The following RBMS3 variants were observed in gnomAD, a reference collection of about 807,000 sequenced individuals.
The protein encoded by RBMS3 is RNA-binding motif, single-stranded-interacting protein 3.
Under a neutral mutation model 66.8 loss-of-function variants are expected in RBMS3, and 27 were observed. The ratio of observed to expected loss-of-function variants is 0.40; its 90% CI spans 0.30 to 0.56. RBMS3 has a LOEUF of 0.56. Ranked by LOEUF, RBMS3 falls within the 20% of genes least tolerant of loss-of-function variation. RBMS3 has a pLI of 0.40. For synonymous variants in RBMS3, 188 were observed against 183.0 expected, an observed-to-expected ratio of 1.03 and a Z score of -0.22; for missense variants, 513 against 549.5, an observed-to-expected ratio of 0.93 and a Z score of 0.66.
intron 1 of RBMS3, among the ~76,000 whole-genome samples, chr3:29,388,390 T>A (rs2039113121): frequency 6.6e-6 from 1 of 152,238 alleles, no homozygotes; most frequent in Non-Finnish European, 1.5e-5. Context: ...GTTGCATGAA[T>A]AACTCACTGA....
At chr3:29,909,433 G>A (rs528509389) in intron 10 of RBMS3, among the ~76,000 whole-genome samples, 1 of 152,042 alleles carries the variant, frequency 6.6e-6, no homozygotes, top group Non-Finnish European at 1.5e-5. Flanking sequence ...CAAAGTCTTT[G>A]TATATAAAGT....
At chr3:29,509,290 A>G (rs2044303654) in intron 3 of RBMS3, among the ~76,000 whole-genome samples, 1 of 152,176 alleles carries the variant, frequency 6.6e-6, no homozygotes. Flanking sequence ...TGCCACATGG[A>G]AAAATACTTT....
chr3:29,488,394 T>G (rs1459297160), intron 2 of RBMS3, 47 bp from the exon 3 acceptor site: 1 of 1,515,532 alleles, frequency 6.6e-7, no homozygotes, highest in East Asian at 2.3e-5. Flanking sequence ...TTAAGTGTCT[T>G]CAATGGGTTA....
chr3:29,768,489 G>C (rs2056032131), intron 6 of RBMS3, among the ~76,000 whole-genome samples: 1 of 151,932 alleles, frequency 6.6e-6, no homozygotes, highest in South Asian at 2.1e-4. Flanking sequence ...TAATTGAAAT[G>C]AGTTTTTTGA....
At chr3:29,749,476 T>A (rs886955625) in intron 5 of RBMS3, among the ~76,000 whole-genome samples, 104 of 152,302 alleles carry the variant, frequency 6.8e-4, no homozygotes, top group Non-Finnish European at 3.4e-4. Context: ...CTCCTTTAAG[T>A]TGGCTTTGCT....
In RBMS3 at chr3:29,344,458, A is replaced by T. The variant is rs200678718; in HGVS notation, c.75+62702A>T. Among the ~76,000 whole-genome samples, 4 of 152,308 alleles carry T rather than the reference A, an allele frequency of 2.6e-5. No homozygotes were observed. In the East Asian group the frequency reaches 5.8e-4, roughly 22 times the overall value. ...TTGAAATTGTCCTTGGTTCTGCTTCAGTTCAGCAGTTTTGAATCTTCTTTT... is the reference window on the plus strand; with the variant it reads ...TTGAAATTGTCCTTGGTTCTGCTTCTGTTCAGCAGTTTTGAATCTTCTTTT... On this transcript the variant is annotated intron_variant, in intron 1 of 14. Coordinates refer to ENST00000383767, the MANE Select transcript of RBMS3 (RefSeq NM_001003793.3).
At chr3:29,377,939 G>C (rs1276925635) in intron 1 of RBMS3, among the ~76,000 whole-genome samples, 1 of 152,120 alleles carries the variant, frequency 6.6e-6, no homozygotes, top group African/African-American at 2.4e-5. Context: ...CTTGCTACCT[G>C]TATTTTTAAT....
At chr3:29,850,003 T>C (rs1305228771) in intron 6 of RBMS3, among the ~76,000 whole-genome samples, 1 of 152,224 alleles carries the variant, frequency 6.6e-6, no homozygotes, top group Non-Finnish European at 1.5e-5. Context: ...TTTGCACTTC[T>C]GGTAAAGATA....
intron 4 of RBMS3, among the ~76,000 whole-genome samples, chr3:29,682,966 G>T (rs1240941106): frequency 1.3e-5 from 2 of 152,144 alleles, no homozygotes; most frequent in East Asian, 3.8e-4. Context: ...TTAAGTATTT[G>T]GATCACTGTT....
chr3:29,706,227 A>T (rs996354955), intron 4 of RBMS3, among the ~76,000 whole-genome samples: 2 of 152,214 alleles, frequency 1.3e-5, no homozygotes, highest in African/African-American at 4.8e-5. Flanking sequence ...AAGGCATTCT[A>T]GTCCTGACAT....
chr3:29,915,413 A>G (rs773114760), intron 10 of RBMS3, among the ~76,000 whole-genome samples: 2 of 151,900 alleles, frequency 1.3e-5, no homozygotes, highest in Non-Finnish European at 2.9e-5. Context: ...ACTGAAGACC[A>G]TCATGTTTTC....
intron 4 of RBMS3, among the ~76,000 whole-genome samples, chr3:29,610,727 A>C (rs2048464130): frequency 6.6e-6 from 1 of 152,082 alleles, no homozygotes; most frequent in Non-Finnish European, 1.5e-5. Flanking sequence ...ATTCCTAGAA[A>C]ACACTCGCTG....
At chr3:29,746,390 A>G (rs564710777) in intron 5 of RBMS3, among the ~76,000 whole-genome samples, 1 of 152,360 alleles carries the variant, frequency 6.6e-6, no homozygotes, top group South Asian at 2.1e-4. Flanking sequence ...AGTGATTAGT[A>G]ATCTCCAAAC....
In RBMS3 at chr3:29,422,657, A is replaced by AT. The variant is rs536430871; in HGVS notation, c.76-12079dup. On this transcript the variant is annotated intron_variant, in intron 1 of 14. Coordinates refer to ENST00000383767, the MANE Select transcript of RBMS3 (RefSeq NM_001003793.3). ...CCTAATATTCATTTTATCATGAGGT[A>AT]TTTTTTTCTTAAACTTGAACATTAA... Among the ~76,000 whole-genome samples, 464 of 152,156 alleles carry AT rather than the reference A, an allele frequency of 3.0e-3. 4 individuals are homozygous for AT. Among genetic ancestry groups the AT allele is most frequent in the African/African-American group, 0.011 (437 of 41,548 alleles).
intron 1 of RBMS3, among the ~76,000 whole-genome samples, chr3:29,394,001 C>T (rs1342968705): frequency 6.6e-6 from 1 of 152,146 alleles, no homozygotes; most frequent in African/African-American, 2.4e-5. Context: ...TGATAAACAT[C>T]TTAACAGGAA....
chr3:29,362,063 C>T (rs1465372626), intron 1 of RBMS3, among the ~76,000 whole-genome samples: 2 of 152,248 alleles, frequency 1.3e-5, no homozygotes, highest in Non-Finnish European at 2.9e-5. Context: ...AAGTCATTCT[C>T]CGTCCAGCTT....
At chr3:29,961,970 AT>A in intron 12 of RBMS3, among the ~76,000 whole-genome samples, 1 of 143,428 alleles carries the variant, frequency 7.0e-6, no homozygotes. Flanking sequence ...ATACATATAT[AT>A]GTATAATATA....
intron 4 of RBMS3, among the ~76,000 whole-genome samples, chr3:29,721,693 T>G (rs928077446): frequency 3.3e-5 from 5 of 152,160 alleles, no homozygotes; most frequent in African/African-American, 1.2e-4. Flanking sequence ...CAACTATTAA[T>G]GAGGAAATAA....
chr3:29,283,348 A>T (rs1297349260), intron 1 of RBMS3, among the ~76,000 whole-genome samples: 1 of 152,170 alleles, frequency 6.6e-6, no homozygotes, highest in African/African-American at 2.4e-5. Context: ...AATGAATAAC[A>T]TAATTGTTTT....
Sources: allele counts gnomAD v4.1 joint callset (sites outside exome capture counted in the v4.1 genomes callset), GRCh38; gene constraint gnomAD v4.1.1; transcripts MANE v1.5; gene names NCBI Gene and HGNC (gene_info 2026-07-23, HGNC 2026-07-21).